The following SMS variants were observed in gnomAD, a reference collection of about 807,000 sequenced individuals.
SMS encodes spermidine aminopropyltransferase.
In SMS, 3 loss-of-function variants were observed where a neutral mutation model predicts 33.0. That is an observed-to-expected ratio of 0.09 (90% CI 0.04 to 0.23). SMS has a LOEUF of 0.23. SMS is among the 10% of genes least tolerant of loss of function. SMS has a pLI of 1.00. For synonymous variants in SMS, 103 were observed against 112.2 expected (o/e 0.92, Z 0.52); for missense variants, 117 against 288.6 (o/e 0.41, Z 4.31).
At chrX:21,967,834 G>A (rs766480423) in intron 2 of SMS, among the ~76,000 whole-genome samples, 2 of 112,526 alleles carry the variant, frequency 1.8e-5, no homozygotes, top group African/African-American at 3.2e-5. Context: ...GGGCAGGATC[G>A]CTCACTGGGC....
chrX:21,983,005 G>C (rs193111004), intron 7 of SMS, among the ~76,000 whole-genome samples: 8 of 111,589 alleles, frequency 7.2e-5, no homozygotes, highest in Non-Finnish European at 1.3e-4. Flanking sequence ...AAATAACATG[G>C]GATAGGTTAT....
chrX:21,962,505 G>C (rs955604148), intron 1 of SMS, among the ~76,000 whole-genome samples: 1 of 110,879 alleles, frequency 9.0e-6, no homozygotes, highest in African/African-American at 3.3e-5. Flanking sequence ...TTTTTGTGTT[G>C]GGTGATTTAG....
chrX:21,979,656 A>G (rs933742078), intron 7 of SMS, among the ~76,000 whole-genome samples: 16 of 111,508 alleles, frequency 1.4e-4, no homozygotes, highest in Non-Finnish European at 2.8e-4. Flanking sequence ...TAGTGCCGCA[A>G]TAAATATACG....
chrX:21,948,664 AG>A (rs1402881535), intron 1 of SMS, among the ~76,000 whole-genome samples: 1 of 111,255 alleles, frequency 9.0e-6, no homozygotes, highest in African/African-American at 3.3e-5. Flanking sequence ...AGAAGATTGG[AG>A]ATTATGGGCT....
intron 9 of SMS, among the ~76,000 whole-genome samples, chrX:21,991,516 G>A (rs779249056): frequency 6.9e-4 from 77 of 112,150 alleles, no homozygotes; most frequent in Non-Finnish European, 1.3e-3. Flanking sequence ...CAGCCACCTG[G>A]ATTCAGTAGT....
At chrX:21,944,244 A>G (rs1569339514) in intron 1 of SMS, among the ~76,000 whole-genome samples, 1 of 111,397 alleles carries the variant, frequency 9.0e-6, no homozygotes, top group Non-Finnish European at 1.9e-5. Flanking sequence ...ATTGGACTAT[A>G]AGGACTCTTG....
At chrX:21,986,471 T>C (rs943225337) in intron 9 of SMS, among the ~76,000 whole-genome samples, 1 of 110,896 alleles carries the variant, frequency 9.0e-6, no homozygotes, top group Admixed American at 9.6e-5. Flanking sequence ...AGATTACTAA[T>C]GCTGAAAACA....
At chrX:21,971,662 A>T (rs955067564) in intron 2 of SMS, among the ~76,000 whole-genome samples, 3 of 112,253 alleles carry the variant, frequency 2.7e-5, no homozygotes, top group African/African-American at 9.7e-5. Flanking sequence ...TCTGGGCCCA[A>T]GAACCAGTTT....
chrX:21,967,339 C>T, intron 2 of SMS, 23 bp downstream of exon 2: 1 of 1,204,680 alleles, frequency 8.3e-7, no homozygotes. Flanking sequence ...CAGTGCTGTT[C>T]TTCATACCTG....
intron 1 of SMS, among the ~76,000 whole-genome samples, chrX:21,957,582 G>A (rs944905019): frequency 1.8e-5 from 2 of 111,844 alleles, no homozygotes; most frequent in African/African-American, 6.5e-5. Context: ...CACCGTGCCC[G>A]GCCTTCTTTT....
At chrX:21,976,133 G>A (rs186669841) in intron 4 of SMS, among the ~76,000 whole-genome samples, 229 of 110,431 alleles carry the variant, frequency 2.1e-3, no homozygotes, top group African/African-American at 6.9e-3. Flanking sequence ...AAAATACCGG[G>A]TATTTACAAA....
At chrX:21,987,870 G>A (rs1435961217) in intron 9 of SMS, among the ~76,000 whole-genome samples, 1 of 112,298 alleles carries the variant, frequency 8.9e-6, no homozygotes, top group African/African-American at 3.2e-5. Context: ...TGGCATGGCA[G>A]GCTGCCTCCT....
intron 1 of SMS, among the ~76,000 whole-genome samples, chrX:21,958,373 C>T (rs545630886): frequency 8.9e-6 from 1 of 112,421 alleles, no homozygotes; most frequent in East Asian, 2.8e-4. Context: ...GAGTCTTCTC[C>T]GTTGCCTTGG....
chrX:21,973,487 G>A (rs1430422630), intron 4 of SMS, among the ~76,000 whole-genome samples: 2 of 112,786 alleles, frequency 1.8e-5, no homozygotes, highest in Non-Finnish European at 3.8e-5. Context: ...AAAGAGAAAA[G>A]GTCACTTTTT....
intron 1 of SMS, among the ~76,000 whole-genome samples, chrX:21,948,169 A>G (rs1922363957): frequency 9.0e-6 from 1 of 111,688 alleles, no homozygotes; most frequent in Non-Finnish European, 1.9e-5. Context: ...GTAGTTTCCA[A>G]GTTATACCGA....
chrX:21,979,356 C>G (rs1356110500), intron 7 of SMS, among the ~76,000 whole-genome samples: 1 of 108,346 alleles, frequency 9.2e-6, no homozygotes, highest in East Asian at 2.9e-4. Flanking sequence ...CTTCCCCTAG[C>G]CCCCTACCCC....
chrX:21,944,539 A>AAAAAAAAAAAAAAAAAAGAAAAAAG (rs776946474), intron 1 of SMS, among the ~76,000 whole-genome samples: 1 of 81,439 alleles, frequency 1.2e-5, no homozygotes, highest in Non-Finnish European at 2.3e-5. Flanking sequence ...AAAAAAAAAA[A>AAAAAAAAAAAAAAAAAAGAAAAAAG]AAAAAAGAAA....
chrX:21,988,369 A>G (rs927690573), intron 9 of SMS, among the ~76,000 whole-genome samples: 1 of 111,269 alleles, frequency 9.0e-6, no homozygotes, highest in Non-Finnish European at 1.9e-5. Context: ...TGCAGCTTAG[A>G]ACTGGAGTCA....
At chrX:21,973,684 GA>G (rs1050407110) in intron 4 of SMS, among the ~76,000 whole-genome samples, 4 of 113,105 alleles carry the variant, frequency 3.5e-5, no homozygotes, top group Admixed American at 2.8e-4. Flanking sequence ...TGAGGAAAAT[GA>G]AGCTCTCCCT....
Sources: gnomAD v4.1 joint callset for allele counts (sites outside exome capture counted in the v4.1 genomes callset) on GRCh38, gnomAD v4.1.1 for gene constraint, MANE v1.5 for transcripts, NCBI Gene and HGNC (gene_info 2026-07-23, HGNC 2026-07-21) for gene names.